Variants in GAA observed in about 807,000 individuals in gnomAD.
GAA encodes alpha glucosidase.
Under a neutral mutation model 103.9 loss-of-function variants are expected in GAA, and 88 were observed. The ratio of observed to expected loss-of-function variants is 0.85; its 90% CI spans 0.71 to 1.01. GAA has a LOEUF of 1.01. Ranked by LOEUF, GAA falls within the 50% of genes least tolerant of loss-of-function variation. The pLI is 0.00. For missense variants in GAA, 1,350 were observed against 1,305.3 expected (o/e 1.03, Z -0.53); for synonymous variants, 572 against 563.1 (o/e 1.02, Z -0.22).
chr17:80,117,487 C>T (rs2039380958), intron 16 of GAA, 113 bp from the exon 17 acceptor site: 1 of 1,266,764 alleles, frequency 7.9e-7, no homozygotes, highest in East Asian at 2.3e-5. Flanking sequence ...CCCGTCTGTG[C>T]CAGGCCTCCT....
At chr17:80,115,518 A>G (rs2039338503) in intron 15 of GAA, among the ~76,000 whole-genome samples, 1 of 152,192 alleles carries the variant, frequency 6.6e-6, no homozygotes, top group African/African-American at 2.4e-5. Flanking sequence ...GAGCTCTTTG[A>G]ACACATTTAA....
In GAA at chr17:80,112,856, G is replaced by A. The variant is rs550960099; in HGVS notation, c.1889-20G>A. 5 of 1,602,156 alleles carry A rather than the reference G, an allele frequency of 3.1e-6. No individual in the cohort carries two copies. In the East Asian group the frequency reaches 6.7e-5, roughly 22 times the overall value. On this transcript the variant is annotated intron_variant, in intron 13 of 19. Transcript: ENST00000302262. The stretch of plus-strand genomic sequence containing the variant: ...CTCTGCTGCAGCAGCCTGAGGACCA[G>A]CCTGACTCTGCCCTCCCAGAAATCC...
At chr17:80,102,605 A>G (rs1257549871) in intron 1 of GAA, 1 of 152,378 alleles carries the variant, frequency 6.6e-6, no homozygotes, top group East Asian at 1.9e-4. Context: ...GGAACACACC[A>G]AGGCACTGGA....
chr17:80,116,736 C>T, intron 15 of GAA: 1 of 586,914 alleles, frequency 1.7e-6, no homozygotes, highest in Non-Finnish European at 3.1e-6. Flanking sequence ...CCTATTCCTG[C>T]CCTGAGCCCA....
chr17:80,111,144 G>GTT lies in GAA; in HGVS notation c.1636+119_1636+120insTT, dbSNP rs1567833513. On this transcript the variant is annotated intron_variant, in intron 11 of 19. Transcript: ENST00000302262. ...AGATGGGCCAGCGGGGAAAGGGGCG[G>GTT]GGGGGGGATCCCCAGGAGAAAGGCT... 1.3e-4 allele frequency: 121 copies of GTT among 916,936 alleles called. 1 individual carries two copies. Among genetic ancestry groups the GTT allele is most frequent in the Middle Eastern group, 2.7e-4 (1 of 3,658 alleles). The allele number at this position is 916,936 out of a possible 1,614,324, so 56.8% of individuals were successfully genotyped here.
chr17:80,111,053 G>C (rs375622658), intron 11 of GAA, 28 bp downstream of exon 11: 2 of 1,606,390 alleles, frequency 1.2e-6, no homozygotes, highest in East Asian at 2.2e-5. Context: ...CTACCCTGGG[G>C]ACTTAATCAA....
rs745911962 is a variant in GAA at position 80,112,705 on chromosome 17, G to T, written c.1882G>T (p.Val628Leu). 3.7e-6 allele frequency: 6 copies of T among 1,607,344 alleles called. No homozygotes were observed. Among genetic ancestry groups the T allele is most frequent in the African/African-American group, 1.3e-5 (1 of 74,824 alleles). The change falls in exon 13 of 20, where the codon GTG (valine) becomes TTG (leucine). Residue 628 changes from valine (V) to leucine (L), a missense_variant. Transcript: ENST00000302262. ...CTCCTGGGAGCAGCTCGCCTCCTCC[G>T]TGCCAGGTGAGCTCCTACCAGGAGG... is the stretch of plus-strand genomic sequence containing the variant. ...WSSWEQLASS[V>L]PEILQFNLLG...
chr17:80,118,904 G>A (rs568900327), intron 19 of GAA, 99 bp downstream of exon 19: 3 of 1,445,592 alleles, frequency 2.1e-6, no homozygotes, highest in East Asian at 2.4e-5. Flanking sequence ...AGGAACAGAG[G>A]ATGCTGGGAC....
Position 80,111,040 on chromosome 17 carries a change from C to A in GAA, c.1636+15C>A. 6.2e-7 allele frequency: 1 copy of A among 1,612,310 alleles called. No homozygotes were observed. The highest frequency in any genetic ancestry group is 1.1e-5 in the South Asian group (1 of 90,990). Reference sequence around the variant, plus strand: ...CTACGTGCCTGGTCAGCTCGCCCCCCACCTACCCTGGGGACTTAATCAAAT... The same window carrying A: ...CTACGTGCCTGGTCAGCTCGCCCCCAACCTACCCTGGGGACTTAATCAAAT... On this transcript the variant is annotated intron_variant, in intron 11 of 19. Transcript: ENST00000302262.
chr17:80,112,227 C>T (rs553195067), intron 12 of GAA, 127 bp downstream of exon 12: 3 of 931,382 alleles, frequency 3.2e-6, no homozygotes, highest in African/African-American at 1.6e-5. Context: ...GCTGGCGGCC[C>T]GAGTGCTCTC....
rs757577323 is a variant in GAA, at chr17:80,118,288, G to A, written c.2577G>A (p.Trp859Ter). The change falls in exon 18 of 20, where the codon TGG becomes TGA. Residue 859 changes from tryptophan (W) to a stop codon, truncating the protein, a stop_gained. Transcript: ENST00000302262. LOFTEE classifies it high-confidence loss of function. ...KGGEARGELF[W>*]DDGESLEVLE... ...GGGAGGCCCGAGGGGAGCTGTTCTG[G>A]GACGATGGAGAGAGCCTGGAAGTGC... 2.5e-6 allele frequency: 4 copies of A among 1,600,162 alleles called. No individual in the cohort carries two copies. Among genetic ancestry groups the A allele is most frequent in the South Asian group, 1.1e-5 (1 of 89,590 alleles).
At position 80,105,907 on chromosome 17, in the gene GAA, C is replaced by T; in HGVS notation, c.692+13C>T. 1 of 1,586,962 alleles carries T rather than the reference C, an allele frequency of 6.3e-7. No individual in the cohort carries two copies. The highest frequency in any genetic ancestry group is 8.5e-7 in the Non-Finnish European group (1 of 1,169,676). On this transcript the variant is annotated intron_variant, in intron 3 of 19. Coordinates refer to ENST00000302262, the MANE Select transcript of GAA (RefSeq NM_000152.5). ...ACGGCCGCGTGCTGTGAGTTCTGGG[C>T]TCTGTGCCAGCATGATGGGGAGGGC...
chr17:80,112,820 G>T (rs2039272244), intron 13 of GAA, 56 bp from the exon 14 acceptor site: 1 of 1,586,074 alleles, frequency 6.3e-7, no homozygotes. Flanking sequence ...GGGTCACTTG[G>T]CCTGAGCTGG....
chr17:80,118,067 C>T (rs1032843834), intron 17 of GAA, 126 bp from the exon 18 acceptor site: 34 of 1,123,822 alleles, frequency 3.0e-5, no homozygotes, highest in African/African-American at 4.7e-5. Flanking sequence ...CCTGCGGCCG[C>T]AGGTGTTCCT....
At position 80,118,215 on chromosome 17, in the gene GAA, A is replaced by G; in HGVS notation, c.2504A>G (p.Glu835Gly). The change falls in exon 18 of 20, where the codon GAG (glutamate) becomes GGG (glycine). Residue 835 changes from glutamate to glycine, a missense_variant. Glu to Gly is a moderately conservative substitution (Grantham distance 98). Transcript: ENST00000302262. ...CAGGGCCCTGGCCTCACAACCACAG[A>G]GTCCCGCCAGCAGCCCATGGCCCTG... ...PLQGPGLTTT[E>G]SRQQPMALAV... The G allele has an allele frequency of 6.2e-7, 1 of 1,613,014 alleles. No individual in the cohort carries two copies. The highest frequency in any genetic ancestry group is 1.7e-4 in the Middle Eastern group (1 of 6,040).
Position 80,110,074 on chromosome 17 carries a change from G to A in GAA, c.1437+19G>A, listed in dbSNP as rs746904197. On this transcript the variant is annotated intron_variant, in intron 9 of 19. Coordinates refer to ENST00000302262, the MANE Select transcript of GAA (RefSeq NM_000152.5). Reference sequence around the variant, plus strand: ...TGGGAAGGTAGGGCGAGGGTCCAGGGGACGGGGGTTAGAAAGCAGAGGCCT... The same window carrying A: ...TGGGAAGGTAGGGCGAGGGTCCAGGAGACGGGGGTTAGAAAGCAGAGGCCT... 91 of 1,602,178 alleles carry A rather than the reference G, an allele frequency of 5.7e-5. No individual in the cohort carries two copies. The Middle Eastern group carries it at 2.5e-3, about 44-fold the overall frequency.
In GAA at chr17:80,108,517, C is replaced by T; in HGVS notation, c.1104C>T (p.Gly368=). 6.2e-7 allele frequency: 1 copy of T among 1,613,140 alleles called. No homozygotes were observed. The highest frequency in any genetic ancestry group is 2.2e-5 in the East Asian group (1 of 44,886). ...VGYPFMPPYW[G]LGFHLCRWGY... is the part of the protein sequence containing the mutation. ...ACCCGTTCATGCCGCCATACTGGGG[C>T]CTGGGCTTCCACCTGTGCCGCTGGG... Residue 368 remains glycine, a synonymous_variant, in exon 7 of 20, where the codon GGC becomes GGT. Coordinates refer to ENST00000302262, the MANE Select transcript of GAA (RefSeq NM_000152.5).
In GAA at chr17:80,110,628, G is replaced by A. The variant is rs1186881373; in HGVS notation, c.1438-99G>A. Reference sequence around the variant, plus strand: ...ATTTGCAAATGTGGGCGTCCACTAAGAGTGAGGCTGCCCCTCTGCTCAGGC... The same window carrying A: ...ATTTGCAAATGTGGGCGTCCACTAAAAGTGAGGCTGCCCCTCTGCTCAGGC... On this transcript the variant is annotated intron_variant, in intron 9 of 19. Transcript: ENST00000302262. 4.0e-6 allele frequency: 4 copies of A among 1,005,694 alleles called. No individual in the cohort carries two copies. The African/African-American group carries it at 6.4e-5, about 16-fold the overall frequency. 62.3% of individuals were successfully genotyped at this position (1,005,694 alleles called of 1,614,324 possible). A position where few individuals can be genotyped will look rare whatever the true frequency, so the allele number is the denominator to read the frequency against.
chr17:80,118,369 G>A lies in GAA; in HGVS notation c.2646+12G>A, dbSNP rs762885132. On this transcript the variant is annotated intron_variant, in intron 18 of 19. Transcript: ENST00000302262. ...TCCTGGCCAGGAATGTGAGTCCTGG[G>A]GCTGCTCAGGCTGGTGGGCAGGGGC... 10 of 1,558,434 alleles carry A rather than the reference G, an allele frequency of 6.4e-6. No individual in the cohort carries two copies. Among genetic ancestry groups the A allele is most frequent in the Non-Finnish European group, 8.7e-6 (10 of 1,151,102 alleles).
Sources: allele counts gnomAD v4.1 joint callset (sites outside exome capture counted in the v4.1 genomes callset), GRCh38; gene constraint gnomAD v4.1.1; transcripts MANE v1.5; gene names NCBI Gene and HGNC (gene_info 2026-07-23, HGNC 2026-07-21).